Variants in NFKBIZ observed in about 807,000 individuals in gnomAD.
NFKBIZ encodes NFKB inhibitor zeta, also known as NF-kappa-B inhibitor zeta.
In NFKBIZ, 19 loss-of-function variants were observed where a neutral mutation model predicts 76.8. The observed-to-expected ratio is 0.25, with a 90% confidence interval of 0.17 to 0.36. The LOEUF is 0.36. Ranked by LOEUF, NFKBIZ falls within the 10% of genes least tolerant of loss-of-function variation. The pLI is 1.00. For missense variants in NFKBIZ, 829 were observed against 910.9 expected, an observed-to-expected ratio of 0.91 and a Z score of 1.16; for synonymous variants, 368 against 354.8, an observed-to-expected ratio of 1.04 and a Z score of -0.42.
intron 4 of NFKBIZ, 27 bp from the exon 5 acceptor site, chr3:101,853,064 T>G: frequency 6.2e-7 from 1 of 1,612,080 alleles, no homozygotes; most frequent in Admixed American, 1.7e-5. Context: ...GAAGTGAGTG[T>G]GCAAGTTGCA....
intron 2 of NFKBIZ, among the ~76,000 whole-genome samples, chr3:101,835,418 G>A (rs1188051928): frequency 6.6e-6 from 1 of 152,182 alleles, no homozygotes; most frequent in African/African-American, 2.4e-5. Flanking sequence ...GTTTTAGTTT[G>A]CTAGGGCTGC....
intron 1 of NFKBIZ, chr3:101,829,498 G>C (rs958231637): frequency 1.2e-4 from 19 of 152,202 alleles, no homozygotes; most frequent in Admixed American, 3.3e-4. Context: ...GCATTACTGA[G>C]GGGAAAGATT....
chr3:101,854,580 T>C lies in NFKBIZ; in HGVS notation c.1340T>C (p.Phe447Ser). 6.2e-7 allele frequency: 1 copy of C among 1,605,928 alleles called. No homozygotes were observed. Among genetic ancestry groups the C allele is most frequent in the Non-Finnish European group, 8.5e-7 (1 of 1,172,962 alleles). Residue 447 changes from phenylalanine (F) to serine (S), a missense_variant and splice_region_variant, in exon 6 of 12, where the codon TTC becomes TCC. Around this residue, in one of 4 missense-constraint regions of NFKBIZ, gnomAD observed 272 missense variants for 384.2 expected, o/e 0.71. Coordinates refer to ENST00000326172, the MANE Select transcript of NFKBIZ (RefSeq NM_031419.4). Reference protein sequence around the residue: ...FLSKDADGDTFLHIAVAQGRR... With the variant: ...FLSKDADGDTSLHIAVAQGRR... ...GCTTTCCTTTCCATGTTCCCCAGGT[T>C]CCTTCATATTGCTGTTGCCCAAGGG...
intron 2 of NFKBIZ, among the ~76,000 whole-genome samples, chr3:101,839,377 T>C (rs1942760814): frequency 1.3e-5 from 2 of 152,254 alleles, no homozygotes; most frequent in South Asian, 2.1e-4. Context: ...GACAAATATG[T>C]GTTACCTGTA....
intron 11 of NFKBIZ, 64 bp from the exon 12 acceptor site, chr3:101,859,254 A>G: frequency 7.7e-7 from 1 of 1,304,824 alleles, no homozygotes; most frequent in Non-Finnish European, 1.1e-6. Context: ...TGAAACTCAG[A>G]AGGAAATACA....
chr3:101,849,513 C>T (rs551503009), upstream of NFKBIZ: 7 of 903,214 alleles, frequency 7.8e-6, no homozygotes, highest in African/African-American at 1.8e-5. Context: ...GCGCCGCGCC[C>T]GTACTGGCCC....
intron 2 of NFKBIZ, among the ~76,000 whole-genome samples, chr3:101,831,495 C>G (rs149929738): frequency 1.3e-5 from 2 of 152,108 alleles, no homozygotes; most frequent in Non-Finnish European, 2.9e-5. Flanking sequence ...GTGTCTACAT[C>G]CTCATTTTTC....
upstream of NFKBIZ, among the ~76,000 whole-genome samples, chr3:101,846,006 G>C (rs1942845182): frequency 6.6e-6 from 1 of 152,194 alleles, no homozygotes; most frequent in African/African-American, 2.4e-5. Flanking sequence ...AGTGTAACTG[G>C]ACAAATTCTC....
At position 101,854,589 on chromosome 3, in the gene NFKBIZ, T is replaced by C. The variant is rs1943021265; in HGVS notation, c.1349T>C (p.Ile450Thr). ...KDADGDTFLH[I>T]AVAQGRRALS... is the part of the protein sequence containing the mutation. ...TCCATGTTCCCCAGGTTCCTTCATATTGCTGTTGCCCAAGGGAGAAGGGCA... is the reference window on the plus strand; with the variant it reads ...TCCATGTTCCCCAGGTTCCTTCATACTGCTGTTGCCCAAGGGAGAAGGGCA... The change falls in exon 6 of 12, where the codon ATT (isoleucine) becomes ACT (threonine). Residue 450 changes from isoleucine (I) to threonine (T), a missense_variant. Physicochemically the swap from Ile to Thr is moderately conservative, Grantham distance 89. This residue lies in a region of NFKBIZ where 272 missense variants were observed against 384.2 expected (regional missense o/e 0.71). Transcript: ENST00000326172. 1 of 1,612,030 alleles carries C rather than the reference T, an allele frequency of 6.2e-7. No individual in the cohort carries two copies.
Position 101,855,185 on chromosome 3 carries a change from A to G in NFKBIZ, c.1567A>G (p.Lys523Glu). ...GRTPLHVCAEKGHSQVLQAIQ... is the reference protein window; with the variant it reads ...GRTPLHVCAEEGHSQVLQAIQ... ...AACACCTCTGCATGTGTGTGCTGAG[A>G]AGGGCCACTCCCAGGTGCTTCAGGT... is the stretch of plus-strand genomic sequence containing the variant. The change falls in exon 7 of 12, where the codon AAG (lysine) becomes GAG (glutamate). Residue 523 changes from lysine to glutamate, a missense_variant. Physicochemically the swap from Lys to Glu is moderately conservative, Grantham distance 56 (BLOSUM62 1). Transcript: ENST00000326172. The G allele has an allele frequency of 6.2e-7, 1 of 1,611,892 alleles. No individual in the cohort carries two copies. The highest frequency in any genetic ancestry group is 8.5e-7 in the Non-Finnish European group (1 of 1,179,158).
intron 2 of NFKBIZ, among the ~76,000 whole-genome samples, chr3:101,830,276 C>T (rs1412561665): frequency 6.6e-6 from 1 of 152,162 alleles, no homozygotes; most frequent in African/African-American, 2.4e-5. Flanking sequence ...TCTCATTTAG[C>T]CCTACAGCAT....
At position 101,853,214 on chromosome 3, in the gene NFKBIZ, G is replaced by T; in HGVS notation, c.688G>T (p.Val230Phe). The T allele has an allele frequency of 1.2e-6, 2 of 1,614,112 alleles. No individual in the cohort carries two copies. The highest frequency in any genetic ancestry group is 8.5e-7 in the Non-Finnish European group (1 of 1,180,020). The change falls in exon 5 of 12, where the codon GTT (valine) becomes TTT (phenylalanine). Residue 230 changes from valine (V) to phenylalanine (F), a missense_variant. Physicochemically the swap from Val to Phe is conservative, Grantham distance 50 (BLOSUM62 -1). Coordinates refer to ENST00000326172, the MANE Select transcript of NFKBIZ (RefSeq NM_031419.4). ...IINIKNECSP[V>F]SLNTVQVSWL... The stretch of plus-strand genomic sequence containing the variant: ...CAACATTAAGAATGAATGCAGCCCC[G>T]TTTCCCTGAACACAGTTCAAGTTAG...
intron 2 of NFKBIZ, among the ~76,000 whole-genome samples, chr3:101,832,899 A>T (rs528125513): frequency 7.2e-5 from 11 of 152,332 alleles, no homozygotes; most frequent in African/African-American, 2.6e-4. Context: ...CACCATGATG[A>T]ATTTGTTTTT....
chr3:101,846,164 TCTA>T (rs1162662658), upstream of NFKBIZ, among the ~76,000 whole-genome samples: 3 of 152,190 alleles, frequency 2.0e-5, no homozygotes, highest in Non-Finnish European at 4.4e-5. Flanking sequence ...AGCTGGAGAA[TCTA>T]CTTTCAAAGT....
At chr3:101,855,256 A>G (rs868241030) in intron 7 of NFKBIZ, 48 bp downstream of exon 7, 1 of 1,599,622 alleles carries the variant, frequency 6.3e-7, no homozygotes, top group Non-Finnish European at 8.5e-7. Flanking sequence ...CCAGAGAGAT[A>G]GAGTTGGATA....
chr3:101,835,662 G>C (rs981975672), intron 2 of NFKBIZ, among the ~76,000 whole-genome samples: 2 of 152,118 alleles, frequency 1.3e-5, no homozygotes, highest in African/African-American at 4.8e-5. Context: ...ATTAGATGAG[G>C]ACTCACCCCG....
rs569231438 is a variant in NFKBIZ, at chr3:101,830,098, G to GTGGTTTC, written c.-12+413_-12+419dup. On this transcript the variant is annotated intron_variant, in intron 2 of 12. Transcript: ENST00000394054. Reference sequence around the variant, plus strand: ...AAGAGGCTCCTTAAAACTAGCATATGTGGTTTCTGATTAAAGCACTTTCTG... The same window carrying GTGGTTTC: ...AAGAGGCTCCTTAAAACTAGCATATGTGGTTTCTGGTTTCTGATTAAAGCACTTTCTG... Among the ~76,000 whole-genome samples the GTGGTTTC allele has an allele frequency of 3.8e-3, 586 of 152,280 alleles. 4 individuals carry two copies. The highest frequency in any genetic ancestry group is 0.017 in the Middle Eastern group (5 of 294).
chr3:101,839,611 T>C (rs550447038), intron 2 of NFKBIZ, among the ~76,000 whole-genome samples: 2 of 152,264 alleles, frequency 1.3e-5, no homozygotes, highest in Non-Finnish European at 2.9e-5. Context: ...AAAAGTATAA[T>C]GGTTAGAAGT....
In NFKBIZ at chr3:101,860,675, A is replaced by AT. The variant is rs1243407767; in HGVS notation, c.*1310dup. ...ATATATATCATTCAGAAAAAGTTTTATTTTTTAATAACATTCTATTAACAT... is the reference window on the plus strand; with the variant it reads ...ATATATATCATTCAGAAAAAGTTTTATTTTTTTAATAACATTCTATTAACAT... On this transcript the variant is annotated 3_prime_UTR_variant, in exon 12 of 12. Transcript: ENST00000326172. The AT allele has an allele frequency of 6.6e-6, 1 of 151,552 alleles. No homozygotes were observed. The highest frequency in any genetic ancestry group is 1.5e-5 in the Non-Finnish European group (1 of 67,924). 9.4% of individuals were successfully genotyped at this position (151,552 alleles called of 1,614,324 possible).
Sources: gnomAD v4.1 joint callset for allele counts (sites outside exome capture counted in the v4.1 genomes callset) on GRCh38, gnomAD v4.1.1 for gene constraint, gnomAD v4.1.1 regional missense constraint, MANE v1.5 for transcripts, NCBI Gene and HGNC (gene_info 2026-07-23, HGNC 2026-07-21) for gene names.